Variants in CLMP observed in about 807,000 individuals in gnomAD.
CLMP encodes the protein CXADR like cell adhesion molecule.
CLMP carries 27 observed loss-of-function variants against 45.2 expected under a neutral mutation model. The ratio of observed to expected loss-of-function variants is 0.60; its 90% CI spans 0.44 to 0.82. The LOEUF (loss-of-function observed/expected upper bound fraction) is 0.82, where lower values mean the gene tolerates loss of function less well. Among genes scored for constraint, CLMP ranks in the 40% least tolerant of loss-of-function variants. The probability of loss-of-function intolerance (pLI) is 0.00; values close to 1 mark genes in which losing one functional copy is unlikely to be tolerated. For synonymous variants in CLMP, 167 were observed against 171.4 expected (o/e 0.97, Z 0.20); for missense variants, 403 against 448.4 (o/e 0.90, Z 0.91).
chr11:123,112,849 C>T (rs1860659724), intron 1 of CLMP, among the ~76,000 whole-genome samples: 1 of 148,944 alleles, frequency 6.7e-6, no homozygotes, highest in Non-Finnish European at 1.5e-5. Flanking sequence ...TCTTGGCTCA[C>T]TGCAAGCTCC....
intron 1 of CLMP, among the ~76,000 whole-genome samples, chr11:123,186,443 AC>A (rs1250704862): frequency 6.6e-6 from 1 of 151,812 alleles, no homozygotes; most frequent in African/African-American, 2.4e-5. Flanking sequence ...GTAGAAGGGC[AC>A]CTCTTGCCTA....
chr11:123,147,927 C>T (rs905041051), intron 1 of CLMP, among the ~76,000 whole-genome samples: 1 of 151,980 alleles, frequency 6.6e-6, no homozygotes, highest in African/African-American at 2.4e-5. Flanking sequence ...ACCCTCCCAC[C>T]TTGGCCTCCC....
At chr11:123,191,392 T>G (rs948264360) in intron 1 of CLMP, 56 of 152,336 alleles carry the variant, frequency 3.7e-4, no homozygotes, top group African/African-American at 1.3e-3. Flanking sequence ...GGAATCCTAC[T>G]GAGACCTGTC....
chr11:123,106,421 G>GTT (rs1250736579), intron 1 of CLMP, among the ~76,000 whole-genome samples: 35 of 83,000 alleles, frequency 4.2e-4, no homozygotes, highest in African/African-American at 1.6e-3. Flanking sequence ...GTGTGTGTGT[G>GTT]TGTGCGCGCG....
rs1241741101 is a variant in CLMP, at chr11:123,072,859, C to T, written c.*615G>A. 1 of 152,256 alleles carries T rather than the reference C, an allele frequency of 6.6e-6. No homozygotes were observed. The highest frequency in any genetic ancestry group is 1.5e-5 in the Non-Finnish European group (1 of 68,074). The allele number at this position is 152,256 out of a possible 1,614,324, so 9.4% of individuals were successfully genotyped here. A position where few individuals can be genotyped will look rare whatever the true frequency, so the allele number is the denominator to read the frequency against. On this transcript the variant is annotated 3_prime_UTR_variant, in exon 7 of 7. Transcript: ENST00000448775. ...GTATAGAGTGGGAGAAACTCATTCACTCTTCTCCATCTCCCACTATTTCAA... is the reference window on the plus strand; with the variant it reads ...GTATAGAGTGGGAGAAACTCATTCATTCTTCTCCATCTCCCACTATTTCAA...
intron 1 of CLMP, among the ~76,000 whole-genome samples, chr11:123,137,496 A>G (rs995289125): frequency 6.6e-5 from 10 of 151,476 alleles, no homozygotes; most frequent in Non-Finnish European, 1.0e-4. Flanking sequence ...CTAAGAATAA[A>G]CAGTTTCACC....
At chr11:123,090,717 G>T (rs1865921617) in intron 2 of CLMP, among the ~76,000 whole-genome samples, 1 of 152,146 alleles carries the variant, frequency 6.6e-6, no homozygotes, top group Non-Finnish European at 1.5e-5. Flanking sequence ...AATACGCAAA[G>T]AATACTAATC....
chr11:123,104,128 C>CTTT (rs1241735527), intron 1 of CLMP, among the ~76,000 whole-genome samples: 766 of 72,390 alleles, frequency 0.011, 45 homozygotes, highest in Non-Finnish European at 0.015. Flanking sequence ...CCATGCCTGG[C>CTTT]TTTTTTTTTT....
chr11:123,182,647 A>G (rs868292928), intron 1 of CLMP, among the ~76,000 whole-genome samples: 2 of 152,210 alleles, frequency 1.3e-5, no homozygotes, highest in African/African-American at 4.8e-5. Flanking sequence ...AGGCCCAAGA[A>G]CACAGGCTAC....
intron 5 of CLMP, 40 bp downstream of exon 5, chr11:123,083,041 AAAAC>A: frequency 6.2e-7 from 1 of 1,610,146 alleles, no homozygotes. Flanking sequence ...CTACAATGCA[AAAAC>A]AAACAGAAAA....
intron 1 of CLMP, among the ~76,000 whole-genome samples, chr11:123,099,155 G>A (rs755212075): frequency 6.6e-6 from 1 of 152,108 alleles, no homozygotes; most frequent in Non-Finnish European, 1.5e-5. Flanking sequence ...TGATCTTTCT[G>A]TCTTCTATTA....
chr11:123,184,254 C>G (rs899228490), intron 1 of CLMP, among the ~76,000 whole-genome samples: 2 of 152,060 alleles, frequency 1.3e-5, no homozygotes, highest in African/African-American at 4.8e-5. Flanking sequence ...GCCACCACGC[C>G]AGGCTAATTT....
At chr11:123,184,618 C>T (rs1228546249) in intron 1 of CLMP, among the ~76,000 whole-genome samples, 3 of 152,182 alleles carry the variant, frequency 2.0e-5, no homozygotes, top group Non-Finnish European at 4.4e-5. Context: ...CGACTCTTGC[C>T]ATTCTCTGCA....
chr11:123,180,152 T>A (rs1036112945), intron 1 of CLMP, among the ~76,000 whole-genome samples: 2 of 152,208 alleles, frequency 1.3e-5, no homozygotes, highest in African/African-American at 4.8e-5. Flanking sequence ...TACATGAGCA[T>A]CTCTGTGTCA....
At chr11:123,136,359 C>A in intron 1 of CLMP, 1 of 563,372 alleles carries the variant, frequency 1.8e-6, no homozygotes, top group Non-Finnish European at 3.4e-6. Flanking sequence ...CTTTCATATT[C>A]TTGGGGAGCC....
chr11:123,088,235 A>G (rs949682582), intron 2 of CLMP, among the ~76,000 whole-genome samples: 1 of 152,102 alleles, frequency 6.6e-6, no homozygotes. Flanking sequence ...TTGGCAGGTG[A>G]TAGAGCTGAC....
intron 1 of CLMP, among the ~76,000 whole-genome samples, chr11:123,145,521 G>C (rs1861226278): frequency 6.7e-6 from 1 of 148,718 alleles, no homozygotes; most frequent in Non-Finnish European, 1.5e-5. Flanking sequence ...GGAGTGCAGC[G>C]GCGCGATCTG....
At chr11:123,150,635 G>A (rs1430718789) in intron 1 of CLMP, among the ~76,000 whole-genome samples, 2 of 151,796 alleles carry the variant, frequency 1.3e-5, no homozygotes, top group Non-Finnish European at 2.9e-5. Context: ...AGGAAGGAAG[G>A]AAGGAAGGTA....
chr11:123,153,634 T>C (rs1204791922), intron 1 of CLMP, among the ~76,000 whole-genome samples: 1 of 152,216 alleles, frequency 6.6e-6, no homozygotes, highest in Admixed American at 6.5e-5. Flanking sequence ...TAGGCACTAA[T>C]TATTTCCATT....
Sources: gnomAD v4.1 joint callset for allele counts (sites outside exome capture counted in the v4.1 genomes callset) on GRCh38, gnomAD v4.1.1 for gene constraint, MANE v1.5 for transcripts, NCBI Gene and HGNC (gene_info 2026-07-23, HGNC 2026-07-21) for gene names.